The following GRID1 variants were observed in gnomAD, a reference collection of about 807,000 sequenced individuals.
GRID1 encodes the protein glutamate receptor ionotropic, delta-1.
In GRID1, 28 loss-of-function variants were observed where a neutral mutation model predicts 98.0. That is an observed-to-expected ratio of 0.29 (90% confidence interval 0.21 to 0.39). The LOEUF is 0.39. GRID1 is among the 10% of genes least tolerant of loss of function. The pLI is 1.00. For missense variants in GRID1, 1,111 were observed against 1,340.5 expected, an observed-to-expected ratio of 0.83 and a Z score of 2.67; for synonymous variants, 553 against 538.5, an observed-to-expected ratio of 1.03 and a Z score of -0.37.
intron 8 of GRID1, among the ~76,000 whole-genome samples, chr10:85,819,660 T>A (rs1842744798): frequency 6.6e-6 from 1 of 152,082 alleles, no homozygotes; most frequent in Non-Finnish European, 1.5e-5. Context: ...TGTAATCTAA[T>A]CCTAGCACTT....
chr10:86,153,342 T>C (rs1311211450), intron 3 of GRID1, among the ~76,000 whole-genome samples: 1 of 152,212 alleles, frequency 6.6e-6, no homozygotes, highest in Non-Finnish European at 1.5e-5. Context: ...ATTGTTAAAT[T>C]TTCAGGAATT....
At chr10:86,273,085 C>A (rs1378180806) in intron 2 of GRID1, among the ~76,000 whole-genome samples, 1 of 151,854 alleles carries the variant, frequency 6.6e-6, no homozygotes, top group Non-Finnish European at 1.5e-5. Flanking sequence ...ACAACAGTCC[C>A]CAGAGTGTGA....
intron 8 of GRID1, among the ~76,000 whole-genome samples, chr10:85,818,560 A>T (rs1433747108): frequency 6.6e-6 from 1 of 152,218 alleles, no homozygotes; most frequent in Non-Finnish European, 1.5e-5. Flanking sequence ...GACATGGCTA[A>T]TTCTAGGTCA....
chr10:85,909,882 C>A (rs1269304474), intron 5 of GRID1, among the ~76,000 whole-genome samples: 2 of 152,236 alleles, frequency 1.3e-5, no homozygotes, highest in East Asian at 3.9e-4. Context: ...ACAACTTGTA[C>A]ACTTAAGTAT....
intron 4 of GRID1, among the ~76,000 whole-genome samples, chr10:86,043,351 G>A (rs1029338909): frequency 6.6e-6 from 1 of 152,140 alleles, no homozygotes; most frequent in Non-Finnish European, 1.5e-5. Flanking sequence ...TCTATACCTC[G>A]ATGGAATTAG....
chr10:85,880,946 T>C (rs1719243877), intron 5 of GRID1, among the ~76,000 whole-genome samples: 1 of 152,146 alleles, frequency 6.6e-6, no homozygotes, highest in South Asian at 2.1e-4. Context: ...AAAATCAATG[T>C]ACAAAAATCA....
intron 5 of GRID1, among the ~76,000 whole-genome samples, chr10:85,915,492 T>C (rs1482675360): frequency 6.6e-6 from 1 of 151,478 alleles, no homozygotes; most frequent in Non-Finnish European, 1.5e-5. Flanking sequence ...TATTCACACA[T>C]ACATTTATAC....
chr10:85,890,002 A>G (rs1475521663), intron 5 of GRID1, among the ~76,000 whole-genome samples: 4 of 152,156 alleles, frequency 2.6e-5, no homozygotes, highest in Admixed American at 6.5e-5. Flanking sequence ...GGTGATTAGC[A>G]TAGCCATCAC....
At chr10:86,104,486 G>A (rs985179107) in intron 4 of GRID1, among the ~76,000 whole-genome samples, 25 of 152,348 alleles carry the variant, frequency 1.6e-4, no homozygotes, top group African/African-American at 5.3e-4. Flanking sequence ...GGATGGCCCA[G>A]ACAGGTGCAT....
intron 8 of GRID1, among the ~76,000 whole-genome samples, chr10:85,851,626 T>C (rs1266763396): frequency 6.6e-6 from 1 of 152,200 alleles, no homozygotes; most frequent in Non-Finnish European, 1.5e-5. Context: ...TTCCTCTTGG[T>C]TTAAGTCTGA....
At chr10:85,997,729 T>C (rs1054263486) in intron 4 of GRID1, among the ~76,000 whole-genome samples, 12 of 151,938 alleles carry the variant, frequency 7.9e-5, no homozygotes, top group African/African-American at 2.7e-4. Context: ...AATTACTAAA[T>C]GCATTAAATG....
chr10:85,792,218 G>A (rs906686522), intron 8 of GRID1, among the ~76,000 whole-genome samples: 5 of 152,110 alleles, frequency 3.3e-5, no homozygotes, highest in East Asian at 1.9e-4. Context: ...CCAGAGATCC[G>A]CCCTGATGCT....
chr10:85,995,241 C>T (rs937641108), intron 4 of GRID1, among the ~76,000 whole-genome samples: 11 of 152,292 alleles, frequency 7.2e-5, no homozygotes, highest in South Asian at 2.1e-4. Flanking sequence ...TTTGATGGGA[C>T]GGCCACCTAT....
At chr10:85,629,989 G>C (rs1443203800) in intron 13 of GRID1, among the ~76,000 whole-genome samples, 1 of 152,034 alleles carries the variant, frequency 6.6e-6, no homozygotes, top group Non-Finnish European at 1.5e-5. Flanking sequence ...TCATATGCTT[G>C]TTGGCCATTT....
chr10:86,005,838 T>A (rs1842854368), intron 4 of GRID1, among the ~76,000 whole-genome samples: 2 of 152,212 alleles, frequency 1.3e-5, no homozygotes, highest in Non-Finnish European at 1.5e-5. Context: ...ACAGGCCCTA[T>A]CTGGTCTCTG....
intron 4 of GRID1, among the ~76,000 whole-genome samples, chr10:85,941,188 G>T (rs553561113): frequency 6.6e-6 from 1 of 152,098 alleles, no homozygotes; most frequent in Non-Finnish European, 1.5e-5. Context: ...GTGTCCTTGG[G>T]TAAGTTATTT....
intron 8 of GRID1, among the ~76,000 whole-genome samples, chr10:85,766,730 T>TTGCGTGTGTG (rs1554829929): frequency 7.2e-6 from 1 of 138,352 alleles, no homozygotes; most frequent in African/African-American, 2.7e-5. Flanking sequence ...AGGCAGATGA[T>TTGCGTGTGTG]TGTGTGTGTG....
At position 85,817,238 on chromosome 10, in the gene GRID1, C is replaced by T. The variant is rs147990916; in HGVS notation, c.1233+37258G>A. On this transcript the variant is annotated intron_variant, in intron 8 of 15. Transcript: ENST00000327946. ...ATATCCAGTAATGGGATTGCCGGGT[C>T]GAATGGTAATTCTGTTTTAAGTTCT... 1.8e-4 allele frequency among the ~76,000 whole-genome samples: 28 copies of T among 152,180 alleles called. No individual in the cohort carries two copies. In the East Asian group the frequency reaches 5.0e-3, roughly 27 times the overall value.
intron 8 of GRID1, among the ~76,000 whole-genome samples, chr10:85,810,709 C>T (rs145089450): frequency 2.6e-4 from 39 of 152,292 alleles, no homozygotes; most frequent in African/African-American, 8.9e-4. Context: ...TCATCATATT[C>T]CCCATCAGAA....
Sources: allele counts gnomAD v4.1 joint callset (sites outside exome capture counted in the v4.1 genomes callset), GRCh38; gene constraint gnomAD v4.1.1; transcripts MANE v1.5; gene names NCBI Gene and HGNC (gene_info 2026-07-23, HGNC 2026-07-21).